Variants in FSD2 observed in about 807,000 individuals in gnomAD.
The protein encoded by FSD2 is fibronectin type III and SPRY domain containing 2.
In FSD2, 71 loss-of-function variants were observed where a neutral mutation model predicts 80.4. The ratio of observed to expected loss-of-function variants is 0.88; its 90% confidence interval spans 0.73 to 1.08. The LOEUF (loss-of-function observed/expected upper bound fraction) is 1.08. FSD2 is among the 50% of genes least tolerant of loss of function. FSD2 has a pLI of 0.00. For synonymous variants in FSD2, 361 were observed against 329.5 expected (o/e 1.10, Z -1.03); for missense variants, 923 against 913.8 (o/e 1.01, Z -0.13).
At chr15:82,763,066 A>G (rs947698674) in intron 11 of FSD2, among the ~76,000 whole-genome samples, 3 of 152,228 alleles carry the variant, frequency 2.0e-5, no homozygotes, top group African/African-American at 7.2e-5. Flanking sequence ...AGGAGGTTGC[A>G]TGTTGGTTAA....
rs528623543 is a variant in FSD2 at position 82,767,513 on chromosome 15, A to G, written c.1553+1367T>C. ...AAGGAGTTTTGCCTTTTCTTCAGCA[A>G]TGGGTCGCCATGATTGGATTTGTAC... On this transcript the variant is annotated intron_variant, in intron 9 of 12. Coordinates refer to ENST00000334574, the MANE Select transcript of FSD2 (RefSeq NM_001007122.4). Among the ~76,000 whole-genome samples, 5 of 152,326 alleles carry G rather than the reference A, an allele frequency of 3.3e-5. No individual in the cohort carries two copies. In the East Asian group the frequency reaches 5.8e-4, roughly 18 times the overall value.
intron 6 of FSD2, 110 bp downstream of exon 6, chr15:82,778,656 C>G: frequency 7.9e-7 from 1 of 1,257,904 alleles, no homozygotes. Flanking sequence ...GTATTGTACA[C>G]TTTAAAATTT....
At chr15:82,783,048 C>A (rs531106697) in intron 3 of FSD2, 23 bp from the exon 4 acceptor site, 19 of 1,534,944 alleles carry the variant, frequency 1.2e-5, no homozygotes, top group Admixed American at 3.5e-5. Flanking sequence ...TGATCTCAGT[C>A]ATCATTTCAG....
At chr15:82,772,722 T>C (rs1303734232) in intron 6 of FSD2, among the ~76,000 whole-genome samples, 1 of 152,230 alleles carries the variant, frequency 6.6e-6, no homozygotes, top group Non-Finnish European at 1.5e-5. Flanking sequence ...CCAACTTCTT[T>C]AGAGTCCATC....
rs188520153 is a variant in FSD2 at position 82,776,143 on chromosome 15, T to C, written c.1111+2623A>G. ...CTACAAAAACATTGAACAAATTGTC[T>C]GGGTATGGTGGTGTGGGCCTGTAGT... On this transcript the variant is annotated intron_variant, in intron 6 of 12. Coordinates refer to ENST00000334574, the MANE Select transcript of FSD2 (RefSeq NM_001007122.4). 1.3e-3 allele frequency among the ~76,000 whole-genome samples: 191 copies of C among 152,124 alleles called. 1 individual carries two copies. Among genetic ancestry groups the C allele is most frequent in the Non-Finnish European group, 2.4e-3 (160 of 67,994 alleles).
At chr15:82,796,296 C>G (rs185322944) in intron 1 of FSD2, 3 of 153,924 alleles carry the variant, frequency 1.9e-5, no homozygotes, top group East Asian at 1.9e-4. Flanking sequence ...CCACTGCGCC[C>G]GGGAGAAGTT....
Position 82,778,898 on chromosome 15 carries a change from A to T in FSD2, c.990-11T>A. 1 of 1,613,834 alleles carries T rather than the reference A, an allele frequency of 6.2e-7. No homozygotes were observed. Among genetic ancestry groups the T allele is most frequent in the Non-Finnish European group, 8.5e-7 (1 of 1,179,790 alleles). ...AGGAATTTCCCGAGTCTGTTGGTAT[A>T]AAAAGACATGCTGACTAGAATGGAG... On this transcript the variant is annotated splice_polypyrimidine_tract_variant and intron_variant, in intron 5 of 12. Transcript: ENST00000334574.
chr15:82,793,316 G>GT (rs1460754601), intron 1 of FSD2, among the ~76,000 whole-genome samples: 3 of 151,280 alleles, frequency 2.0e-5, no homozygotes, highest in African/African-American at 7.3e-5. Flanking sequence ...GGCCAGGCTG[G>GT]TTTTTTGTGT....
At chr15:82,791,711 T>C (rs894989760) in intron 1 of FSD2, among the ~76,000 whole-genome samples, 7 of 152,194 alleles carry the variant, frequency 4.6e-5, no homozygotes, top group African/African-American at 1.7e-4. Context: ...AAAGAAGCAC[T>C]GTACCCTTTA....
chr15:82,769,635 C>T, intron 8 of FSD2, 115 bp downstream of exon 8: 1 of 1,256,944 alleles, frequency 8.0e-7, no homozygotes, highest in Admixed American at 2.4e-5. Flanking sequence ...AAAAAATGTA[C>T]ACAGCTCTTC....
intron 7 of FSD2, among the ~76,000 whole-genome samples, chr15:82,770,965 A>G (rs757278628): frequency 6.6e-6 from 1 of 152,114 alleles, no homozygotes; most frequent in Non-Finnish European, 1.5e-5. Flanking sequence ...AGCTGGGGTT[A>G]ATCAAGTCTG....
At position 82,787,310 on chromosome 15, in the gene FSD2, A is replaced by G; in HGVS notation, c.81T>C (p.Tyr27=). The change falls in exon 2 of 13, where the codon TAT becomes TAC. Residue 27 remains tyrosine, a synonymous_variant. Coordinates refer to ENST00000334574, the MANE Select transcript of FSD2 (RefSeq NM_001007122.4). ...KDFHFYHMDL[Y]DSEDRLHLFP... ...AGAGGTGCAGTCTGTCTTCAGAGTC[A>G]TACAGGTCCATGTGGTAAAAGTGGA... The G allele has an allele frequency of 6.2e-7, 1 of 1,613,920 alleles. No individual in the cohort carries two copies. Among genetic ancestry groups the G allele is most frequent in the Non-Finnish European group, 8.5e-7 (1 of 1,179,878 alleles).
intron 1 of FSD2, among the ~76,000 whole-genome samples, chr15:82,796,907 A>G (rs973434426): frequency 6.6e-6 from 1 of 151,848 alleles, no homozygotes; most frequent in Non-Finnish European, 1.5e-5. Flanking sequence ...TTGAGGCTTC[A>G]TGTAGATTCT....
chr15:82,774,914 G>T (rs1287347738), intron 6 of FSD2, among the ~76,000 whole-genome samples: 1 of 151,140 alleles, frequency 6.6e-6, no homozygotes, highest in Admixed American at 6.6e-5. Context: ...TAGAGACGGG[G>T]TTTCACCATG....
At chr15:82,762,370 G>A (rs887595866) in intron 11 of FSD2, 92 bp from the exon 12 acceptor site, 81 of 1,267,412 alleles carry the variant, frequency 6.4e-5, no homozygotes, top group African/African-American at 4.4e-5. Flanking sequence ...TCAGTCAGTC[G>A]GTGGTCTACG....
chr15:82,789,372 A>AATT lies in FSD2; in HGVS notation c.-78-1905_-78-1904insAAT, dbSNP rs1390127574. 3.7e-3 allele frequency among the ~76,000 whole-genome samples: 563 copies of AATT among 151,360 alleles called. 4 individuals carry two copies. The highest frequency in any genetic ancestry group is 0.013 in the African/African-American group (526 of 41,314). ...AGAAGGATATAATAATAATAATAATAATAATAATAGTAAATACAATATTAG... is the reference window on the plus strand; with the variant it reads ...AGAAGGATATAATAATAATAATAATAATTATAATAATAGTAAATACAATATTAG... On this transcript the variant is annotated intron_variant, in intron 1 of 12. Transcript: ENST00000334574.
At position 82,758,007 on chromosome 15, in the gene FSD2, T is replaced by A. The variant is rs1478897718; in HGVS notation, c.*1341A>T. The stretch of plus-strand genomic sequence containing the variant: ...CTCACTGCAGCCTCTGCCCCCGGGT[T>A]CAAGCAATTCTCCTGCCTCAGCCTC... On this transcript the variant is annotated 3_prime_UTR_variant, in exon 13 of 13. Coordinates refer to ENST00000334574, the MANE Select transcript of FSD2 (RefSeq NM_001007122.4). 6.6e-6 allele frequency: 1 copy of A among 152,128 alleles called. No individual in the cohort carries two copies. The highest frequency in any genetic ancestry group is 2.4e-5 in the African/African-American group (1 of 41,420). 9.4% of individuals were successfully genotyped at this position (152,128 alleles called of 1,614,324 possible). A position where few individuals can be genotyped will look rare whatever the true frequency, so the allele number is the denominator to read the frequency against.
intron 3 of FSD2, among the ~76,000 whole-genome samples, chr15:82,785,140 C>T (rs1166934937): frequency 6.6e-6 from 1 of 151,946 alleles, no homozygotes; most frequent in Non-Finnish European, 1.5e-5. Context: ...CTATCTCAGT[C>T]GTCTTGGCAT....
chr15:82,790,187 A>G (rs901645313), intron 1 of FSD2, among the ~76,000 whole-genome samples: 2 of 101,886 alleles, frequency 2.0e-5, no homozygotes, highest in African/African-American at 7.0e-5. Context: ...AACAACAACA[A>G]CGACAACAAC....
Sources: allele counts gnomAD v4.1 joint callset (sites outside exome capture counted in the v4.1 genomes callset), GRCh38; gene constraint gnomAD v4.1.1; transcripts MANE v1.5; gene names NCBI Gene and HGNC (gene_info 2026-07-23, HGNC 2026-07-21).